Variants in PRRC2B observed in about 807,000 individuals in gnomAD.
PRRC2B encodes proline rich coiled-coil 2B, also known as protein PRRC2B.
PRRC2B carries 68 observed loss-of-function variants against 242.3 expected under a neutral mutation model. The ratio of observed to expected loss-of-function variants is 0.28; its 90% CI spans 0.23 to 0.34. PRRC2B has a LOEUF of 0.34. Ranked by LOEUF, PRRC2B falls within the 10% of genes least tolerant of loss-of-function variation. The pLI is 1.00. For missense variants in PRRC2B, 2,835 were observed against 2,954.8 expected (o/e 0.96, Z 0.94); for synonymous variants, 1,228 against 1,173.6 (o/e 1.05, Z -0.95).
chr9:131,454,705 G>A (rs900483024), intron 9 of PRRC2B, among the ~76,000 whole-genome samples: 2 of 151,412 alleles, frequency 1.3e-5, no homozygotes, highest in Non-Finnish European at 2.9e-5. Flanking sequence ...GCATGATCTC[G>A]GCTCACTGCA....
In PRRC2B at chr9:131,491,420, A is replaced by G; in HGVS notation, c.6226-5A>G. The G allele has an allele frequency of 6.3e-7, 1 of 1,589,492 alleles. No individual in the cohort carries two copies. The highest frequency in any genetic ancestry group is 1.8e-5 in the Admixed American group (1 of 56,382). On this transcript the variant is annotated splice_polypyrimidine_tract_variant and splice_region_variant and intron_variant, in intron 28 of 31. Coordinates refer to ENST00000683519, the MANE Select transcript of PRRC2B (RefSeq NM_013318.4). ...CCCCTCCTGACTGTCATTGTCGCCC[A>G]GCAGCTGACCATGCCACTGCCTCGG...
intron 1 of PRRC2B, among the ~76,000 whole-genome samples, chr9:131,400,053 T>C (rs1837187501): frequency 6.6e-6 from 1 of 152,114 alleles, no homozygotes; most frequent in South Asian, 2.1e-4. Flanking sequence ...GTCACCTCCC[T>C]CTCCAGCCTT....
In PRRC2B at chr9:131,473,644, C is replaced by T. The variant is rs1307874650; in HGVS notation, c.2244C>T (p.Gly748=). The part of the protein sequence containing the change: ...IDSPPVWSPE[G]YMALQSKGYP... Reference sequence around the variant, plus strand: ...CACCCCCTGTGTGGAGCCCAGAGGGCTACATGGCACTGCAGAGCAAGGGCT... The same window carrying T: ...CACCCCCTGTGTGGAGCCCAGAGGGTTACATGGCACTGCAGAGCAAGGGCT... The change falls in exon 15 of 32, where the codon GGC becomes GGT. Residue 748 remains glycine (G), a synonymous_variant. Transcript: ENST00000683519. 3.7e-6 allele frequency: 6 copies of T among 1,613,822 alleles called. No homozygotes were observed. Among genetic ancestry groups the T allele is most frequent in the Non-Finnish European group, 4.2e-6 (5 of 1,179,834 alleles).
intron 4 of PRRC2B, among the ~76,000 whole-genome samples, chr9:131,438,599 C>A (rs1342627785): frequency 6.6e-6 from 1 of 152,134 alleles, no homozygotes; most frequent in Non-Finnish European, 1.5e-5. Context: ...AAGACACATG[C>A]CGGAACTGGG....
chr9:131,404,140 G>A (rs1333489693), intron 1 of PRRC2B, among the ~76,000 whole-genome samples: 1 of 149,280 alleles, frequency 6.7e-6, no homozygotes, highest in Non-Finnish European at 1.5e-5. Context: ...ATAATGTTAG[G>A]TTTCTAAAAA....
At position 131,430,265 on chromosome 9, in the gene PRRC2B, G is replaced by A; in HGVS notation, c.115+6G>A. The A allele has an allele frequency of 1.3e-6, 2 of 1,547,730 alleles. No homozygotes were observed. The highest frequency in any genetic ancestry group is 1.8e-6 in the Non-Finnish European group (2 of 1,133,166). ...AGACGCGATTAGATCCTCAGGTAAG[G>A]CCCAGGGTTGAAGGCCAGTTCCTCA... On this transcript the variant is annotated splice_donor_region_variant and intron_variant, in intron 2 of 31. Coordinates refer to ENST00000683519, the MANE Select transcript of PRRC2B (RefSeq NM_013318.4).
Position 131,490,485 on chromosome 9 carries a change from G to A in PRRC2B, c.6226-940G>A, listed in dbSNP as rs369181999. Reference sequence around the variant, plus strand: ...TGTTTTGCGGCTCTGGCCACCACAAGTCTCAGTGATGTAATTCCAATAGAT... The same window carrying A: ...TGTTTTGCGGCTCTGGCCACCACAAATCTCAGTGATGTAATTCCAATAGAT... On this transcript the variant is annotated intron_variant, in intron 28 of 31. Coordinates refer to ENST00000683519, the MANE Select transcript of PRRC2B (RefSeq NM_013318.4). 1.5e-4 allele frequency: 77 copies of A among 519,134 alleles called. 1 individual carries two copies. The highest frequency in any genetic ancestry group is 1.0e-3 in the South Asian group (75 of 71,586). 32.2% of individuals were successfully genotyped at this position (519,134 alleles called of 1,614,324 possible). A position where few individuals can be genotyped will look rare whatever the true frequency, so the allele number is the denominator to read the frequency against.
At chr9:131,479,118 G>T (rs1943787515) in intron 18 of PRRC2B, 134 bp from the exon 19 acceptor site, 2 of 865,972 alleles carry the variant, frequency 2.3e-6, no homozygotes, top group East Asian at 2.7e-5. Context: ...TGAGGTTTTG[G>T]GAGACGAGCG....
chr9:131,408,027 C>G (rs552903856), intron 1 of PRRC2B, among the ~76,000 whole-genome samples: 9 of 152,160 alleles, frequency 5.9e-5, no homozygotes, highest in African/African-American at 2.2e-4. Context: ...TTCGGTGCTT[C>G]TGGTGATAGT....
chr9:131,408,520 A>G (rs751214173), intron 1 of PRRC2B, among the ~76,000 whole-genome samples: 7 of 152,228 alleles, frequency 4.6e-5, no homozygotes, highest in Non-Finnish European at 1.0e-4. Flanking sequence ...TCTGAACTAA[A>G]CAGAACTTAT....
intron 1 of PRRC2B, among the ~76,000 whole-genome samples, chr9:131,411,529 G>C (rs962111561): frequency 6.6e-6 from 1 of 151,268 alleles, no homozygotes; most frequent in Non-Finnish European, 1.5e-5. Flanking sequence ...TGTATTTTTA[G>C]TAGAGACAGG....
chr9:131,477,362 G>A (rs1161028699), intron 16 of PRRC2B, among the ~76,000 whole-genome samples: 2 of 152,234 alleles, frequency 1.3e-5, no homozygotes, highest in African/African-American at 2.4e-5. Context: ...GCCAGAGGCT[G>A]ACCCTTGGCT....
At chr9:131,430,532 TATCTATAGATATCTATAG>T (rs1253153552) in intron 2 of PRRC2B, among the ~76,000 whole-genome samples, 8 of 138,456 alleles carry the variant, frequency 5.8e-5, no homozygotes, top group Middle Eastern at 4.0e-3. Flanking sequence ...GATAGATATC[TATCTATAGATATCTATAG>T]GTGTGTGTGT....
chr9:131,463,254 C>T (rs1275974014), intron 11 of PRRC2B, among the ~76,000 whole-genome samples: 3 of 152,158 alleles, frequency 2.0e-5, no homozygotes, highest in African/African-American at 7.2e-5. Context: ...ACAGTACTTA[C>T]CTCTGGCTTA....
At chr9:131,422,748 C>T (rs895779280) in intron 1 of PRRC2B, among the ~76,000 whole-genome samples, 22 of 152,186 alleles carry the variant, frequency 1.4e-4, no homozygotes, top group Admixed American at 2.0e-4. Context: ...GTGAAGTTGC[C>T]GTTGTTGGCG....
chr9:131,458,371 G>A lies in PRRC2B; in HGVS notation c.1212-793G>A, dbSNP rs116125151. Among the ~76,000 whole-genome samples, 552 of 152,184 alleles carry A rather than the reference G, an allele frequency of 3.6e-3. 2 individuals carry two copies. The highest frequency in any genetic ancestry group is 0.013 in the African/African-American group (537 of 41,514). On this transcript the variant is annotated intron_variant, in intron 10 of 31. Coordinates refer to ENST00000683519, the MANE Select transcript of PRRC2B (RefSeq NM_013318.4). ...GCTACTGACTTTTTAAATCAAGAGT[G>A]TCCAATCTTTTGGCTTCCCTGGGCC...
Position 131,475,168 on chromosome 9 carries a change from T to C in PRRC2B, c.3039T>C (p.Phe1013=). 6.2e-7 allele frequency: 1 copy of C among 1,613,334 alleles called. No homozygotes were observed. Among genetic ancestry groups the C allele is most frequent in the African/African-American group, 1.3e-5 (1 of 75,020 alleles). ...ACAAAGGCCCTGGCCATGCCACTTT[T>C]GGCCGCGAGGCCACCAAATTTGAAG... is the stretch of plus-strand genomic sequence containing the variant. The part of the protein sequence containing the change: ...LEDKGPGHAT[F]GREATKFEEE... The change falls in exon 16 of 32, where the codon TTT becomes TTC. Residue 1013 remains phenylalanine (F), a synonymous_variant. Coordinates refer to ENST00000683519, the MANE Select transcript of PRRC2B (RefSeq NM_013318.4).
intron 14 of PRRC2B, among the ~76,000 whole-genome samples, chr9:131,471,529 CAG>C (rs1943545947): frequency 1.3e-5 from 2 of 152,092 alleles, no homozygotes; most frequent in African/African-American, 4.8e-5. Context: ...TGATACAGAC[CAG>C]GGGTCAGCAA....
intron 1 of PRRC2B, among the ~76,000 whole-genome samples, chr9:131,407,321 G>T (rs927651416): frequency 6.6e-6 from 1 of 152,140 alleles, no homozygotes; most frequent in African/African-American, 2.4e-5. Flanking sequence ...GATGGTGGGT[G>T]GGGGAGGAGA....
Sources: allele counts gnomAD v4.1 joint callset (sites outside exome capture counted in the v4.1 genomes callset), GRCh38; gene constraint gnomAD v4.1.1; transcripts MANE v1.5; gene names NCBI Gene and HGNC (gene_info 2026-07-23, HGNC 2026-07-21).